Variants in ADAMTS18 observed in about 807,000 individuals in gnomAD.
The protein encoded by ADAMTS18 is ADAM metallopeptidase with thrombospondin type 1 motif 18, also known as A disintegrin and metalloproteinase with thrombospondin motifs 18.
ADAMTS18 carries 157 observed loss-of-function variants against 165.9 expected under a neutral mutation model. That is an observed-to-expected ratio of 0.95 (90% CI 0.83 to 1.08). The LOEUF (loss-of-function observed/expected upper bound fraction) is 1.08, where lower values mean the gene tolerates loss of function less well. ADAMTS18 is among the 50% of genes least tolerant of loss of function. The pLI is 0.00. For synonymous variants in ADAMTS18, 782 were observed against 578.2 expected, an observed-to-expected ratio of 1.35 and a Z score of -5.06; for missense variants, 2,040 against 1,534.0, an observed-to-expected ratio of 1.33 and a Z score of -5.51.
At chr16:77,349,473 T>C (rs915933293) in intron 10 of ADAMTS18, among the ~76,000 whole-genome samples, 3 of 142,000 alleles carry the variant, frequency 2.1e-5, no homozygotes, top group African/African-American at 8.0e-5. Flanking sequence ...TTATGTAAAA[T>C]GCAGTTTCAC....
At chr16:77,336,249 A>T (rs879898566) in intron 11 of ADAMTS18, among the ~76,000 whole-genome samples, 3 of 152,148 alleles carry the variant, frequency 2.0e-5, no homozygotes, top group Admixed American at 2.0e-4. Flanking sequence ...TGCCACTGAG[A>T]GACAACACTA....
Position 77,295,059 on chromosome 16 carries a change from T to A in ADAMTS18, c.2870A>T (p.Gln957Leu). ...CAGGQQSRKI[Q>L]CVQKKPFQKE... ...TTGGAAGGGCTTCTTTTGCACACAC[T>A]GGATCTTTCGGCTCTGCTGGCCTCC... Residue 957 changes from glutamine (Q) to leucine (L), a missense_variant, in exon 19 of 23, where the codon CAG (glutamine) becomes CTG (leucine). By Grantham distance (113) the Gln-to-Leu change is moderately radical (BLOSUM62 -2). Coordinates refer to ENST00000282849, the MANE Select transcript of ADAMTS18 (RefSeq NM_199355.4). 1 of 1,614,210 alleles carries A rather than the reference T, an allele frequency of 6.2e-7. No individual in the cohort carries two copies. The highest frequency in any genetic ancestry group is 1.6e-4 in the Middle Eastern group (1 of 6,062).
At chr16:77,317,841 G>T (rs11860617) in intron 16 of ADAMTS18, among the ~76,000 whole-genome samples, 1 of 151,910 alleles carries the variant, frequency 6.6e-6, no homozygotes, top group Non-Finnish European at 1.5e-5. Context: ...ATCCAGGCCC[G>T]CTGTGCATGG....
rs1036503196 is a variant in ADAMTS18 at position 77,282,959 on chromosome 16, G to A, written c.*997C>T. On this transcript the variant is annotated 3_prime_UTR_variant, in exon 23 of 23. Transcript: ENST00000282849. Reference sequence around the variant, plus strand: ...GCTCAATCCTAGGGCAAATTTAAACGTATCAGTTGGTAGGAAAAAGCCACA... The same window carrying A: ...GCTCAATCCTAGGGCAAATTTAAACATATCAGTTGGTAGGAAAAAGCCACA... 22 of 119,674 alleles carry A rather than the reference G, an allele frequency of 1.8e-4. No homozygotes were observed. The highest frequency in any genetic ancestry group is 2.9e-4 in the African/African-American group (9 of 31,182). The allele number at this position is 119,674 out of a possible 1,614,324, so 7.4% of individuals were successfully genotyped here. A position where few individuals can be genotyped will look rare whatever the true frequency, so the allele number is the denominator to read the frequency against.
chr16:77,417,292 G>C (rs969561823), intron 3 of ADAMTS18, among the ~76,000 whole-genome samples: 1 of 152,096 alleles, frequency 6.6e-6, no homozygotes, highest in African/African-American at 2.4e-5. Context: ...GTGGGTGAGT[G>C]GGTGTGTGGG....
At chr16:77,299,559 T>C (rs1054055995) in intron 17 of ADAMTS18, among the ~76,000 whole-genome samples, 3 of 152,304 alleles carry the variant, frequency 2.0e-5, no homozygotes, top group African/African-American at 7.2e-5. Context: ...CTCTGAATAA[T>C]AGGAAATGAG....
intron 3 of ADAMTS18, among the ~76,000 whole-genome samples, chr16:77,387,430 A>G (rs768785662): frequency 6.6e-6 from 1 of 152,230 alleles, no homozygotes; most frequent in Non-Finnish European, 1.5e-5. Context: ...CAGATTACCA[A>G]TAAAAGCAGA....
chr16:77,314,787 A>ATATATATAT lies in ADAMTS18; in HGVS notation c.2532+5061_2532+5062insATATATATA, dbSNP rs1567474883. ...ATATATATATATATATATATATATA[A>ATATATATAT]AATATATGTGATATGCTCAGAAGGC... On this transcript the variant is annotated intron_variant, in intron 16 of 22. Transcript: ENST00000282849. Among the ~76,000 whole-genome samples, 227 of 49,334 alleles carry ATATATATAT rather than the reference A, an allele frequency of 4.6e-3. 36 individuals are homozygous for ATATATATAT. The highest frequency in any genetic ancestry group is 0.037 in the Middle Eastern group (3 of 80). 32.4% of individuals were successfully genotyped at this position (49,334 alleles called of 152,430 possible).
intron 22 of ADAMTS18, among the ~76,000 whole-genome samples, chr16:77,288,505 A>G (rs1413168255): frequency 6.6e-6 from 1 of 152,124 alleles, no homozygotes. Context: ...GAAGAATGGT[A>G]CAGTTTACTC....
At chr16:77,401,982 G>A (rs2057337746) in intron 3 of ADAMTS18, among the ~76,000 whole-genome samples, 1 of 152,090 alleles carries the variant, frequency 6.6e-6, no homozygotes, top group Non-Finnish European at 1.5e-5. Flanking sequence ...TCAGGTGTTC[G>A]GACTCAGGTC....
At chr16:77,296,805 G>A (rs1597089901) in intron 18 of ADAMTS18, among the ~76,000 whole-genome samples, 1 of 152,176 alleles carries the variant, frequency 6.6e-6, no homozygotes, top group East Asian at 1.9e-4. Flanking sequence ...GGGCAACAGA[G>A]TGAGACTCCT....
intron 18 of ADAMTS18, among the ~76,000 whole-genome samples, chr16:77,295,884 C>T (rs1463862254): frequency 6.6e-6 from 1 of 151,854 alleles, no homozygotes; most frequent in Non-Finnish European, 1.5e-5. Context: ...GCTCTTGTTG[C>T]CCAGGCTGGA....
chr16:77,338,532 C>A (rs2056347551), intron 11 of ADAMTS18, among the ~76,000 whole-genome samples: 2 of 152,048 alleles, frequency 1.3e-5, no homozygotes, highest in South Asian at 4.1e-4. Flanking sequence ...CCACCACGTC[C>A]AGGCCCAGCA....
intron 3 of ADAMTS18, 67 bp downstream of exon 3, chr16:77,431,228 A>G: frequency 6.5e-7 from 1 of 1,547,636 alleles, no homozygotes; most frequent in Non-Finnish European, 8.9e-7. Flanking sequence ...TATATTGCAG[A>G]CATCTGTTCA....
At chr16:77,310,202 G>C (rs1289721485) in intron 16 of ADAMTS18, among the ~76,000 whole-genome samples, 1 of 152,162 alleles carries the variant, frequency 6.6e-6, no homozygotes, top group Non-Finnish European at 1.5e-5. Context: ...AAAGAAGATT[G>C]CAACGAATGA....
rs1229130400 is a variant in ADAMTS18 at position 77,300,527 on chromosome 16, A to T, written c.2533-123T>A. The T allele has an allele frequency of 5.4e-6, 6 of 1,103,414 alleles. No homozygotes were observed. The South Asian group carries it at 7.8e-5, about 14-fold the overall frequency. 68.4% of individuals were successfully genotyped at this position (1,103,414 alleles called of 1,614,324 possible). On this transcript the variant is annotated intron_variant, in intron 16 of 22. Transcript: ENST00000282849. ...TTTGACCTTAACATTGGTATACTTC[A>T]TTGTTCCCAAGTATGTTTTATGTTG... is the stretch of plus-strand genomic sequence containing the variant.
chr16:77,344,171 A>G (rs1169717744), intron 10 of ADAMTS18, among the ~76,000 whole-genome samples: 7 of 149,712 alleles, frequency 4.7e-5, no homozygotes, highest in African/African-American at 1.7e-4. Flanking sequence ...ATATATATAT[A>G]TATATACACA....
chr16:77,342,368 C>A (rs925786870), intron 10 of ADAMTS18, among the ~76,000 whole-genome samples: 1 of 152,172 alleles, frequency 6.6e-6, no homozygotes, highest in Non-Finnish European at 1.5e-5. Context: ...CTACCTTTTT[C>A]ATCTTTTTAA....
rs200066548 is a variant in ADAMTS18 at position 77,319,904 on chromosome 16, T to C, written c.2477A>G (p.Asn826Ser). The C allele has an allele frequency of 5.1e-5, 83 of 1,613,920 alleles. No homozygotes were observed. In the East Asian group the frequency reaches 1.5e-3, roughly 30 times the overall value. The change falls in exon 16 of 23, where the codon AAC (asparagine) becomes AGC (serine). Residue 826 changes from asparagine to serine, a missense_variant. Transcript: ENST00000282849. ...GTTFEYQRSF[N>S]RPERLYAPGP... ...TGGCGCGTACAGACGTTCCGGGCGG[T>C]TGAAAGAGCGCTGGTATTCAAACGT...
Sources: gnomAD v4.1 joint callset for allele counts (sites outside exome capture counted in the v4.1 genomes callset) on GRCh38, gnomAD v4.1.1 for gene constraint, MANE v1.5 for transcripts, NCBI Gene and HGNC (gene_info 2026-07-23, HGNC 2026-07-21) for gene names.